Variants in CSMD1 observed in about 807,000 individuals in gnomAD.
The protein encoded by CSMD1 is CUB and Sushi multiple domains 1, also known as CUB and sushi domain-containing protein 1.
CSMD1 carries 213 observed loss-of-function variants against 417.5 expected under a neutral mutation model. The ratio of observed to expected loss-of-function variants is 0.51; its 90% CI spans 0.46 to 0.57. The LOEUF is 0.57. Ranked by LOEUF, CSMD1 falls within the 20% of genes least tolerant of loss-of-function variation. CSMD1 has a pLI of 0.00. For synonymous variants in CSMD1, 2,862 were observed against 1,736.8 expected, an observed-to-expected ratio of 1.65 and a Z score of -16.11; for missense variants, 6,923 against 4,529.7, an observed-to-expected ratio of 1.53 and a Z score of -15.17.
chr8:3,272,275 A>G (rs199920739), intron 26 of CSMD1, among the ~76,000 whole-genome samples: 8 of 144,352 alleles, frequency 5.5e-5, no homozygotes, highest in African/African-American at 5.1e-5. Context: ...GCTCTGTTCT[A>G]TTCCATTGAT....
intron 1 of CSMD1, among the ~76,000 whole-genome samples, chr8:4,942,861 G>C (rs570483039): frequency 1.1e-4 from 17 of 152,334 alleles, no homozygotes; most frequent in African/African-American, 3.6e-4. Flanking sequence ...ACCTTTATTT[G>C]TATCCAAAAC....
chr8:4,429,426 C>G (rs1193974127), intron 2 of CSMD1, among the ~76,000 whole-genome samples: 1 of 152,088 alleles, frequency 6.6e-6, no homozygotes, highest in African/African-American at 2.4e-5. Flanking sequence ...CCTCCTTTCA[C>G]ACAATGTTTT....
At chr8:3,659,490 T>G (rs945883603) in intron 7 of CSMD1, among the ~76,000 whole-genome samples, 1 of 152,172 alleles carries the variant, frequency 6.6e-6, no homozygotes, top group Non-Finnish European at 1.5e-5. Context: ...GCGTTTCACT[T>G]AGCCAAGGTC....
Position 4,954,675 on chromosome 8 carries a change from G to T in CSMD1, c.85+39657C>A, listed in dbSNP as rs73659087. On this transcript the variant is annotated intron_variant, in intron 1 of 69. Coordinates refer to ENST00000635120, the MANE Select transcript of CSMD1 (RefSeq NM_033225.6). ...TGTGTACTCATCTGAATTCATGTGT[G>T]TGAATGTTCCTTATAAGCTATCATA... Among the ~76,000 whole-genome samples, 576 of 152,254 alleles carry T rather than the reference G, an allele frequency of 3.8e-3. 2 individuals are homozygous for T. Among genetic ancestry groups the T allele is most frequent in the African/African-American group, 0.013 (557 of 41,530 alleles).
At chr8:2,985,832 C>A (rs575231032) in intron 54 of CSMD1, among the ~76,000 whole-genome samples, 3 of 151,398 alleles carry the variant, frequency 2.0e-5, no homozygotes, top group Non-Finnish European at 2.9e-5. Context: ...ACAAGGAAAC[C>A]GGAAATGTGC....
intron 26 of CSMD1, among the ~76,000 whole-genome samples, chr8:3,253,473 T>A (rs1014445632): frequency 2.0e-5 from 3 of 152,142 alleles, no homozygotes; most frequent in African/African-American, 7.2e-5. Context: ...TTGGACTAGG[T>A]GTGGTGTGGT....
chr8:3,055,050 C>T (rs913385771), intron 49 of CSMD1, among the ~76,000 whole-genome samples: 1 of 152,172 alleles, frequency 6.6e-6, no homozygotes, highest in Non-Finnish European at 1.5e-5. Flanking sequence ...TTCTCCCACT[C>T]GCTGGCTGGA....
At chr8:3,021,694 C>A (rs1809412684) in intron 51 of CSMD1, among the ~76,000 whole-genome samples, 1 of 116,624 alleles carries the variant, frequency 8.6e-6, no homozygotes, top group South Asian at 2.8e-4. Context: ...AATGCACCTG[C>A]AATCCCACAG....
intron 1 of CSMD1, among the ~76,000 whole-genome samples, chr8:4,728,100 G>A (rs1344244488): frequency 6.9e-6 from 1 of 144,736 alleles, no homozygotes; most frequent in East Asian, 2.0e-4. Flanking sequence ...ATGTACATTT[G>A]GTATATTTGG....
intron 14 of CSMD1, among the ~76,000 whole-genome samples, chr8:3,407,146 C>CATGG (rs1053958995): frequency 6.9e-6 from 1 of 145,332 alleles, no homozygotes; most frequent in African/African-American, 2.6e-5. Flanking sequence ...TGCATGCATG[C>CATGG]ATGGATGGAT....
chr8:3,142,622 A>G lies in CSMD1; in HGVS notation c.6084T>C (p.Leu2028=), dbSNP rs1001529571. The G allele has an allele frequency of 6.2e-7, 1 of 1,613,892 alleles. No homozygotes were observed. The highest frequency in any genetic ancestry group is 1.3e-5 in the African/African-American group (1 of 74,926). Residue 2028 remains leucine, a synonymous_variant, in exon 41 of 70, where the codon CTT becomes CTC. Transcript: ENST00000635120. The stretch of plus-strand genomic sequence containing the variant: ...TGTGGTAAGGTCCATTTTGAATTTC[A>G]AGGAAGTCATGATTAGCTTCGGTAG... ...NFSTEANHDF[L]EIQNGPYHTS... is the part of the protein sequence containing the mutation.
chr8:3,262,127 A>G (rs771515569), intron 26 of CSMD1, among the ~76,000 whole-genome samples: 2 of 147,316 alleles, frequency 1.4e-5, no homozygotes, highest in Non-Finnish European at 1.5e-5. Context: ...TGCAGTATTC[A>G]TTTGAATTAT....
intron 1 of CSMD1, among the ~76,000 whole-genome samples, chr8:4,798,226 T>C (rs547578676): frequency 2.0e-5 from 3 of 152,230 alleles, no homozygotes; most frequent in East Asian, 3.9e-4. Context: ...AGTGTTCTCA[T>C]TGTTCAGTTC....
At chr8:3,567,979 C>A (rs577206626) in intron 10 of CSMD1, among the ~76,000 whole-genome samples, 2 of 152,276 alleles carry the variant, frequency 1.3e-5, no homozygotes, top group South Asian at 4.1e-4. Flanking sequence ...AGGCATCCAG[C>A]ATTTGTGGGA....
chr8:3,674,056 T>C (rs530006055), intron 7 of CSMD1, among the ~76,000 whole-genome samples: 2 of 152,232 alleles, frequency 1.3e-5, no homozygotes, highest in East Asian at 3.9e-4. Context: ...CAATGAGCCA[T>C]GATAATGTCA....
At chr8:4,050,089 C>G (rs1039564726) in intron 3 of CSMD1, among the ~76,000 whole-genome samples, 1 of 152,050 alleles carries the variant, frequency 6.6e-6, no homozygotes, top group Non-Finnish European at 1.5e-5. Context: ...TCACAGTGCA[C>G]CAGGTTGTGG....
At chr8:4,139,093 C>T (rs1803617870) in intron 3 of CSMD1, among the ~76,000 whole-genome samples, 3 of 152,146 alleles carry the variant, frequency 2.0e-5, no homozygotes, top group Non-Finnish European at 4.4e-5. Context: ...TTACCGACCA[C>T]AACACAGCTA....
chr8:4,971,357 A>T (rs1165253896), intron 1 of CSMD1, among the ~76,000 whole-genome samples: 2 of 152,222 alleles, frequency 1.3e-5, no homozygotes, highest in Admixed American at 1.3e-4. Flanking sequence ...CAACAACTCT[A>T]TGGTAAAATA....
At chr8:3,321,544 G>C (rs111412475) in intron 23 of CSMD1, among the ~76,000 whole-genome samples, 6 of 152,056 alleles carry the variant, frequency 3.9e-5, no homozygotes, top group Non-Finnish European at 8.8e-5. Context: ...CCATTACTTC[G>C]TCTAGAAATG....
Sources: gnomAD v4.1 joint callset for allele counts (sites outside exome capture counted in the v4.1 genomes callset) on GRCh38, gnomAD v4.1.1 for gene constraint, MANE v1.5 for transcripts, NCBI Gene and HGNC (gene_info 2026-07-23, HGNC 2026-07-21) for gene names.